Variants in PRDM16 observed in about 807,000 individuals in gnomAD.
PRDM16 encodes PR/SET domain 16.
Under a neutral mutation model 110.6 loss-of-function variants are expected in PRDM16, and 23 were observed. The observed-to-expected ratio is 0.21, with a 90% CI of 0.15 to 0.29. PRDM16 has a LOEUF of 0.29. Ranked by LOEUF, PRDM16 falls within the 10% of genes least tolerant of loss-of-function variation. PRDM16 has a pLI of 1.00. For missense variants in PRDM16, 1,615 were observed against 1,794.3 expected (o/e 0.90, Z 1.81); for synonymous variants, 799 against 781.8 (o/e 1.02, Z -0.37).
At chr1:3,118,892 A>T (rs371043000) in intron 1 of PRDM16, among the ~76,000 whole-genome samples, 31 of 152,232 alleles carry the variant, frequency 2.0e-4, no homozygotes, top group African/African-American at 7.2e-4. Flanking sequence ...GGGACTGAAG[A>T]CTCCCATCAA....
intron 3 of PRDM16, among the ~76,000 whole-genome samples, chr1:3,289,868 CG>C (rs1451795079): frequency 6.7e-6 from 1 of 150,360 alleles, no homozygotes; most frequent in Non-Finnish European, 1.5e-5. Flanking sequence ...TCCAGGGCAC[CG>C]AGACCCCACT....
chr1:3,400,570 C>T (rs375102679), intron 5 of PRDM16, among the ~76,000 whole-genome samples: 49 of 152,172 alleles, frequency 3.2e-4, no homozygotes, highest in African/African-American at 1.1e-3. Context: ...CGGAAAGCTC[C>T]GAATGGCAGC....
At chr1:3,183,431 C>T (rs1242425264) in intron 1 of PRDM16, among the ~76,000 whole-genome samples, 2 of 152,214 alleles carry the variant, frequency 1.3e-5, no homozygotes, top group African/African-American at 4.8e-5. Flanking sequence ...GTTCTCTGCA[C>T]CTCATTTTCT....
intron 1 of PRDM16, among the ~76,000 whole-genome samples, chr1:3,099,245 C>T (rs1642477170): frequency 6.6e-6 from 1 of 152,242 alleles, no homozygotes; most frequent in Admixed American, 6.5e-5. Flanking sequence ...CCAGTTCTAG[C>T]CTTGGCTCCG....
Position 3,407,928 on chromosome 1 carries a change from C to A in PRDM16, c.1186+2280C>A, listed in dbSNP as rs558355442. On this transcript the variant is annotated intron_variant, in intron 8 of 16. Transcript: ENST00000270722. Reference sequence around the variant, plus strand: ...AGGGGATAAAGCTTAAAGGAAAACCCCAGATGTGGGCAGATCGGGTTTATG... The same window carrying A: ...AGGGGATAAAGCTTAAAGGAAAACCACAGATGTGGGCAGATCGGGTTTATG... Among the ~76,000 whole-genome samples, 52 of 152,348 alleles carry A rather than the reference C, an allele frequency of 3.4e-4. 1 individual carries two copies. Among genetic ancestry groups the A allele is most frequent in the Middle Eastern group, 6.8e-3 (2 of 294 alleles).
At chr1:3,154,878 A>C (rs898036129) in intron 1 of PRDM16, among the ~76,000 whole-genome samples, 15 of 152,226 alleles carry the variant, frequency 9.9e-5, no homozygotes, top group African/African-American at 3.6e-4. Context: ...AATGAAAAAG[A>C]AACTCAAATT....
intron 8 of PRDM16, among the ~76,000 whole-genome samples, chr1:3,407,213 C>T (rs895021635): frequency 4.9e-4 from 74 of 152,204 alleles, no homozygotes; most frequent in Non-Finnish European, 2.9e-4. Flanking sequence ...GCCAGCCAGC[C>T]GGGCCCCTGT....
chr1:3,187,741 G>T (rs1289765970), intron 2 of PRDM16, among the ~76,000 whole-genome samples: 1 of 152,208 alleles, frequency 6.6e-6, no homozygotes, highest in Non-Finnish European at 1.5e-5. Context: ...GTCCTTGGTA[G>T]CTCACAGAGT....
At chr1:3,212,392 C>A (rs1219979346) in intron 2 of PRDM16, among the ~76,000 whole-genome samples, 3 of 152,152 alleles carry the variant, frequency 2.0e-5, no homozygotes, top group Non-Finnish European at 4.4e-5. Flanking sequence ...GGCAGGGCTG[C>A]CTGAGCGGGG....
At chr1:3,430,320 G>A (rs1037117719) in intron 14 of PRDM16, among the ~76,000 whole-genome samples, 11 of 152,332 alleles carry the variant, frequency 7.2e-5, no homozygotes, top group Non-Finnish European at 1.3e-4. Flanking sequence ...GGCTGCAGAA[G>A]AGTCCCCCCA....
At chr1:3,087,129 G>A (rs1328307342) in intron 1 of PRDM16, among the ~76,000 whole-genome samples, 1 of 152,072 alleles carries the variant, frequency 6.6e-6, no homozygotes, top group African/African-American at 2.4e-5. Context: ...GGGTTAACGT[G>A]AGGATTCTTT....
intron 3 of PRDM16, among the ~76,000 whole-genome samples, chr1:3,253,848 C>T (rs1639993241): frequency 6.6e-6 from 1 of 152,116 alleles, no homozygotes; most frequent in African/African-American, 2.4e-5. Flanking sequence ...GTTCCTATTT[C>T]TCCACATCCT....
chr1:3,301,789 C>G (rs1002853773), intron 3 of PRDM16, among the ~76,000 whole-genome samples: 2 of 152,226 alleles, frequency 1.3e-5, no homozygotes, highest in Non-Finnish European at 2.9e-5. Context: ...GGGCACACAC[C>G]ACACCTGAGC....
intron 1 of PRDM16, among the ~76,000 whole-genome samples, chr1:3,159,422 C>T (rs1643882074): frequency 6.6e-6 from 1 of 152,380 alleles, no homozygotes. Flanking sequence ...CTCTCCTTGG[C>T]TCATAGATGG....
At chr1:3,311,395 C>T (rs1209064132) in intron 3 of PRDM16, among the ~76,000 whole-genome samples, 1 of 152,178 alleles carries the variant, frequency 6.6e-6, no homozygotes, top group Non-Finnish European at 1.5e-5. Context: ...GGAAACCTGC[C>T]CGTGCATTGG....
intron 1 of PRDM16, among the ~76,000 whole-genome samples, chr1:3,091,463 G>A (rs973558901): frequency 2.0e-5 from 3 of 152,232 alleles, no homozygotes; most frequent in Non-Finnish European, 2.9e-5. Context: ...AGATCCAGGG[G>A]GAGTTCGTGA....
intron 5 of PRDM16, among the ~76,000 whole-genome samples, chr1:3,397,999 C>T (rs1052650431): frequency 6.6e-6 from 1 of 152,178 alleles, no homozygotes; most frequent in African/African-American, 2.4e-5. Context: ...CTGCAGCTTC[C>T]TCTAAAGTTT....
rs1352003834 is a variant in PRDM16 at position 3,408,573 on chromosome 1, TGA to T, written c.1187-2807_1187-2806del. Among the ~76,000 whole-genome samples the T allele has an allele frequency of 6.9e-5, 10 of 144,810 alleles. No homozygotes were observed. In the East Asian group the frequency reaches 1.7e-3, roughly 25 times the overall value. On this transcript the variant is annotated intron_variant, in intron 8 of 16. Coordinates refer to ENST00000270722, the MANE Select transcript of PRDM16 (RefSeq NM_022114.4). ...GAGCTGGTGCATGTGTCGGTGCGTG[TGA>T]GAGCGTGTGAGTGTGGGTGTGTGAG...
rs1639745748 is a variant in PRDM16, at chr1:3,244,570, A to G, written c.438+433A>G. Reference sequence around the variant, plus strand: ...GCCTTTGCTGCACTCGTAGCTTCCAAAGAAGCATCGTTTTAAATAAGCAAA... The same window carrying G: ...GCCTTTGCTGCACTCGTAGCTTCCAGAGAAGCATCGTTTTAAATAAGCAAA... On this transcript the variant is annotated intron_variant, in intron 3 of 16. Coordinates refer to ENST00000270722, the MANE Select transcript of PRDM16 (RefSeq NM_022114.4). This position sits in a 1 kb window ranked among gnomAD's most constrained non-coding sequence, Gnocchi z 4.1. Among the ~76,000 whole-genome samples the G allele has an allele frequency of 6.6e-6, 1 of 152,212 alleles. No homozygotes were observed. Among genetic ancestry groups the G allele is most frequent in the African/African-American group, 2.4e-5 (1 of 41,448 alleles).
Sources: allele counts gnomAD v4.1 joint callset (sites outside exome capture counted in the v4.1 genomes callset), GRCh38; gene constraint gnomAD v4.1.1; non-coding constraint Gnocchi (gnomAD v3.1); transcripts MANE v1.5; gene names NCBI Gene and HGNC (gene_info 2026-07-23, HGNC 2026-07-21).